LRP6: variants seen among roughly 807,000 people sequenced by gnomAD.
LRP6 encodes LDL receptor related protein 6, also known as low-density lipoprotein receptor-related protein 6.
LRP6 carries 43 observed loss-of-function variants against 184.1 expected under a neutral mutation model. That is an observed-to-expected ratio of 0.23 (90% confidence interval 0.18 to 0.30). The LOEUF (loss-of-function observed/expected upper bound fraction) is 0.30. Among genes scored for constraint, LRP6 ranks in the 10% least tolerant of loss-of-function variants. LRP6 has a pLI of 1.00. For missense variants in LRP6, 1,571 were observed against 2,005.3 expected, an observed-to-expected ratio of 0.78 and a Z score of 4.14; for synonymous variants, 719 against 684.9, an observed-to-expected ratio of 1.05 and a Z score of -0.78.
chr12:12,124,414 T>C, intron 22 of LRP6, 151 bp downstream of exon 22: 1 of 648,062 alleles, frequency 1.5e-6, no homozygotes, highest in South Asian at 1.8e-5. Flanking sequence ...AAGGAAAGGA[T>C]TTGTGGTAGA....
intron 19 of LRP6, among the ~76,000 whole-genome samples, chr12:12,129,272 CT>C (rs2136855992): frequency 6.6e-6 from 1 of 152,274 alleles, no homozygotes; most frequent in South Asian, 2.1e-4. Context: ...CCATGCTAGT[CT>C]TTTTCTTGAA....
intron 1 of LRP6, chr12:12,249,082 C>T (rs1293756616): frequency 2.9e-6 from 2 of 700,242 alleles, no homozygotes; most frequent in African/African-American, 1.8e-5. Context: ...TAGGAGATGG[C>T]AGTTAGCTGA....
intron 15 of LRP6, among the ~76,000 whole-genome samples, chr12:12,145,770 T>A (rs1949998967): frequency 6.6e-6 from 1 of 151,828 alleles, no homozygotes; most frequent in Non-Finnish European, 1.5e-5. Context: ...TAGCTGAGAT[T>A]ACAGGTGCCC....
chr12:12,203,829 T>C (rs555228970), intron 2 of LRP6, among the ~76,000 whole-genome samples: 1 of 152,298 alleles, frequency 6.6e-6, no homozygotes, highest in South Asian at 2.1e-4. Context: ...CTAAAACTCT[T>C]AGAAATTGTA....
At chr12:12,183,718 A>G (rs1863399852) in intron 5 of LRP6, among the ~76,000 whole-genome samples, 1 of 152,250 alleles carries the variant, frequency 6.6e-6, no homozygotes, top group Non-Finnish European at 1.5e-5. Context: ...GATATCAATG[A>G]CTATGAGATT....
At chr12:12,240,517 A>G (rs901590759) in intron 2 of LRP6, among the ~76,000 whole-genome samples, 5 of 152,288 alleles carry the variant, frequency 3.3e-5, no homozygotes, top group African/African-American at 7.2e-5. Flanking sequence ...GCTTGCAGTG[A>G]GCCAAGATCG....
chr12:12,251,952 G>A (rs1425815404), intron 1 of LRP6, among the ~76,000 whole-genome samples: 2 of 151,678 alleles, frequency 1.3e-5, no homozygotes, highest in Admixed American at 6.6e-5. Flanking sequence ...TCATTGCAAC[G>A]GCACAATCAT....
At chr12:12,263,135 C>T (rs1865663136) in intron 1 of LRP6, among the ~76,000 whole-genome samples, 1 of 150,358 alleles carries the variant, frequency 6.7e-6, no homozygotes, top group Admixed American at 6.7e-5. Context: ...CATGGTGGTG[C>T]ATGCCTGTAA....
intron 22 of LRP6, among the ~76,000 whole-genome samples, chr12:12,123,311 G>T (rs1213184203): frequency 6.6e-6 from 1 of 151,928 alleles, no homozygotes; most frequent in Non-Finnish European, 1.5e-5. Flanking sequence ...TTCTGTTTTG[G>T]CTTCCTAGAA....
intron 2 of LRP6, among the ~76,000 whole-genome samples, chr12:12,218,016 A>C (rs946573918): frequency 6.6e-6 from 1 of 152,240 alleles, no homozygotes. Flanking sequence ...AAAAGAAAAA[A>C]ACAGATCAGA....
intron 2 of LRP6, among the ~76,000 whole-genome samples, chr12:12,206,850 A>G (rs1864073781): frequency 6.6e-6 from 1 of 152,076 alleles, no homozygotes; most frequent in Admixed American, 6.6e-5. Flanking sequence ...AAAAAACTAG[A>G]GGAAAACTAA....
chr12:12,135,479 C>CATTATTATTATTATTATT (rs35053686), intron 16 of LRP6, among the ~76,000 whole-genome samples, 179 bp from the exon 17 acceptor site: 140 of 144,176 alleles, frequency 9.7e-4, no homozygotes, highest in Admixed American at 1.1e-3. Context: ...TTACTTTTAT[C>CATTATTATTATTATTATT]ATTATTATTA....
intron 7 of LRP6, among the ~76,000 whole-genome samples, chr12:12,178,571 G>A (rs2136984013): frequency 6.6e-6 from 1 of 152,250 alleles, no homozygotes. Flanking sequence ...GATTAGGTAG[G>A]CAATCTATAT....
chr12:12,138,348 T>C lies in LRP6; in HGVS notation c.3584A>G (p.Lys1195Arg). The change falls in exon 16 of 23, where the codon AAG becomes AGG. Residue 1195 changes from lysine (K) to arginine (R), a missense_variant. Transcript: ENST00000261349. ...IAQLSDIHAV[K>R]ELNLQEYRQH... is the part of the protein sequence containing the mutation. ...ACTGTATTCTTGAAGGTTCAGCTCCTTTACTGCATGAATGTCACTAAGCTG... is the reference window on the plus strand; with the variant it reads ...ACTGTATTCTTGAAGGTTCAGCTCCCTTACTGCATGAATGTCACTAAGCTG... 5.6e-6 allele frequency: 9 copies of C among 1,614,174 alleles called. No homozygotes were observed. Among genetic ancestry groups the C allele is most frequent in the Non-Finnish European group, 6.8e-6 (8 of 1,180,004 alleles).
At chr12:12,249,010 G>T (rs373637398) in intron 1 of LRP6, 3 of 594,224 alleles carry the variant, frequency 5.0e-6, no homozygotes, top group East Asian at 5.7e-5. Flanking sequence ...CCACAGGCTC[G>T]GGGGTAAAAG....
intron 1 of LRP6, among the ~76,000 whole-genome samples, chr12:12,251,464 T>C (rs935613357): frequency 1.3e-5 from 2 of 150,524 alleles, no homozygotes; most frequent in Non-Finnish European, 3.0e-5. Flanking sequence ...CCCGGGTTCA[T>C]GCCATTCTCC....
intron 22 of LRP6, among the ~76,000 whole-genome samples, chr12:12,121,743 G>T (rs1174199469): frequency 6.6e-6 from 1 of 152,112 alleles, no homozygotes; most frequent in Non-Finnish European, 1.5e-5. Flanking sequence ...ATTCAAATTT[G>T]TTCTGCAGTT....
At chr12:12,235,453 G>A (rs1476474914) in intron 2 of LRP6, among the ~76,000 whole-genome samples, 1 of 152,126 alleles carries the variant, frequency 6.6e-6, no homozygotes, top group Non-Finnish European at 1.5e-5. Flanking sequence ...AATACAGCCG[G>A]GAGCAGTGGC....
chr12:12,168,247 A>C (rs12310020), intron 7 of LRP6, among the ~76,000 whole-genome samples: 12,518 of 152,230 alleles, frequency 0.082, 606 homozygotes, highest in Middle Eastern at 0.12. Context: ...CTAATTGGGG[A>C]GGTAAACGAT....
Sources: allele counts gnomAD v4.1 joint callset (sites outside exome capture counted in the v4.1 genomes callset), GRCh38; gene constraint gnomAD v4.1.1; transcripts MANE v1.5; gene names NCBI Gene and HGNC (gene_info 2026-07-23, HGNC 2026-07-21).